Variants in THSD4 observed in about 807,000 individuals in gnomAD.
THSD4 encodes the protein thrombospondin type 1 domain containing 4.
In THSD4, 69 loss-of-function variants were observed where a neutral mutation model predicts 119.0. The ratio of observed to expected loss-of-function variants is 0.58; its 90% CI spans 0.48 to 0.71. THSD4 has a LOEUF of 0.71. Ranked by LOEUF, THSD4 falls within the 30% of genes least tolerant of loss-of-function variation. The pLI is 0.00. For missense variants in THSD4, 1,393 were observed against 1,391.1 expected (o/e 1.00, Z -0.02); for synonymous variants, 524 against 540.4 (o/e 0.97, Z 0.42).
intron 4 of THSD4, among the ~76,000 whole-genome samples, chr15:71,227,188 T>G (rs1178971214): frequency 6.6e-6 from 1 of 152,228 alleles, no homozygotes; most frequent in East Asian, 1.9e-4. Flanking sequence ...CGAAGAGCCC[T>G]TGTTCATTTC....
intron 6 of THSD4, among the ~76,000 whole-genome samples, chr15:71,306,212 A>G (rs1214865538): frequency 3.4e-5 from 5 of 145,960 alleles, no homozygotes; most frequent in Non-Finnish European, 6.0e-5. Flanking sequence ...AGGCTGAGGC[A>G]GGAGAATCAC....
chr15:71,438,901 C>T (rs2047051736), intron 7 of THSD4, among the ~76,000 whole-genome samples: 1 of 152,144 alleles, frequency 6.6e-6, no homozygotes, highest in South Asian at 2.1e-4. Context: ...TTCCTGTTTA[C>T]AATATATTTT....
intron 7 of THSD4, among the ~76,000 whole-genome samples, chr15:71,459,516 T>C (rs904396236): frequency 6.6e-6 from 1 of 152,198 alleles, no homozygotes; most frequent in Non-Finnish European, 1.5e-5. Flanking sequence ...TAAGGTAGAA[T>C]GAAATATTTC....
chr15:71,401,390 G>T (rs983078168), intron 6 of THSD4, among the ~76,000 whole-genome samples: 1 of 151,958 alleles, frequency 6.6e-6, no homozygotes. Flanking sequence ...TTTAAAAATT[G>T]GTTTTTATTT....
At chr15:71,141,792 C>G (rs907546911) in intron 2 of THSD4, among the ~76,000 whole-genome samples, 2 of 152,086 alleles carry the variant, frequency 1.3e-5, no homozygotes, top group Non-Finnish European at 2.9e-5. Context: ...TTCTGGGAGA[C>G]CTTCTGTAGG....
chr15:71,207,409 T>C (rs2043853550), intron 3 of THSD4, among the ~76,000 whole-genome samples: 1 of 152,252 alleles, frequency 6.6e-6, no homozygotes, highest in African/African-American at 2.4e-5. Flanking sequence ...CACCTCCCTC[T>C]TCCAGCCTTT....
chr15:71,581,526 T>G (rs2049558939), intron 7 of THSD4, among the ~76,000 whole-genome samples: 2 of 152,174 alleles, frequency 1.3e-5, no homozygotes. Flanking sequence ...GTGCAGAAGA[T>G]TTTTAGTCTG....
intron 8 of THSD4, among the ~76,000 whole-genome samples, chr15:71,684,441 T>C (rs1221978490): frequency 2.6e-5 from 4 of 152,218 alleles, no homozygotes; most frequent in Middle Eastern, 3.4e-3. Context: ...GGATGTATGC[T>C]CAATAAATAT....
chr15:71,317,227 G>T (rs1165511784), intron 6 of THSD4, among the ~76,000 whole-genome samples: 2 of 152,210 alleles, frequency 1.3e-5, no homozygotes, highest in Non-Finnish European at 2.9e-5. Flanking sequence ...GAAAAAGGTT[G>T]TCGTCTTCTG....
At chr15:71,427,465 G>A (rs1281828441) in intron 7 of THSD4, among the ~76,000 whole-genome samples, 5 of 151,542 alleles carry the variant, frequency 3.3e-5, no homozygotes, top group African/African-American at 1.2e-4. Context: ...GAAAAATGGT[G>A]GGGGGCACAC....
chr15:71,128,169 C>A (rs766451374), intron 1 of THSD4, among the ~76,000 whole-genome samples: 42 of 150,566 alleles, frequency 2.8e-4, no homozygotes, highest in Non-Finnish European at 5.2e-4. Flanking sequence ...GAAGATGTAA[C>A]GATAGAAATT....
intron 7 of THSD4, among the ~76,000 whole-genome samples, chr15:71,631,459 G>A (rs187150482): frequency 4.6e-5 from 7 of 152,244 alleles, no homozygotes; most frequent in South Asian, 4.2e-4. Flanking sequence ...TCTTTTTGTC[G>A]TCTTTAGTGG....
intron 7 of THSD4, among the ~76,000 whole-genome samples, chr15:71,583,986 G>A (rs1465396843): frequency 6.6e-6 from 1 of 152,090 alleles, no homozygotes; most frequent in Non-Finnish European, 1.5e-5. Context: ...TCTGTTTACT[G>A]TTAGTTAGAC....
chr15:71,352,567 G>A (rs1238084372), intron 6 of THSD4, among the ~76,000 whole-genome samples: 1 of 152,156 alleles, frequency 6.6e-6, no homozygotes, highest in Admixed American at 6.5e-5. Flanking sequence ...AGACACCCTA[G>A]GACTTAGAAA....
chr15:71,123,475 A>G (rs1596209628), intron 1 of THSD4, among the ~76,000 whole-genome samples: 1 of 152,260 alleles, frequency 6.6e-6, no homozygotes, highest in African/African-American at 2.4e-5. Context: ...GCTCAAGCCT[A>G]CAATGCATGA....
At chr15:71,433,469 T>G (rs75426452) in intron 7 of THSD4, among the ~76,000 whole-genome samples, 1 of 149,946 alleles carries the variant, frequency 6.7e-6, no homozygotes, top group African/African-American at 2.4e-5. Context: ...TTTTTTTTTT[T>G]GGTTTGTTTG....
chr15:71,390,568 GC>G (rs373023917), intron 6 of THSD4, among the ~76,000 whole-genome samples: 10 of 152,158 alleles, frequency 6.6e-5, no homozygotes, highest in African/African-American at 2.2e-4. Flanking sequence ...TTGACGTCTA[GC>G]CCTCTGAACC....
At chr15:71,355,780 G>A (rs750073539) in intron 6 of THSD4, among the ~76,000 whole-genome samples, 7 of 152,136 alleles carry the variant, frequency 4.6e-5, no homozygotes, top group Admixed American at 2.0e-4. Context: ...AGGACCCAGG[G>A]TCAGGGATGA....
At chr15:71,392,267 C>G (rs551580851) in intron 6 of THSD4, among the ~76,000 whole-genome samples, 3 of 152,340 alleles carry the variant, frequency 2.0e-5, no homozygotes, top group Non-Finnish European at 2.9e-5. Flanking sequence ...AGACATTCCC[C>G]TACTTCCCTA....
Sources: gnomAD v4.1 joint callset for allele counts (sites outside exome capture counted in the v4.1 genomes callset) on GRCh38, gnomAD v4.1.1 for gene constraint, MANE v1.5 for transcripts, NCBI Gene and HGNC (gene_info 2026-07-23, HGNC 2026-07-21) for gene names.